PPP1R21: variants seen among roughly 807,000 people sequenced by gnomAD.
PPP1R21 encodes protein phosphatase 1 regulatory subunit 21, also known as KLRAQ motif containing 1.
PPP1R21 carries 85 observed loss-of-function variants against 112.8 expected under a neutral mutation model. The observed-to-expected ratio is 0.75, with a 90% confidence interval of 0.63 to 0.90. The LOEUF (loss-of-function observed/expected upper bound fraction) is 0.90, where lower values mean the gene tolerates loss of function less well. Ranked by LOEUF, PPP1R21 falls within the 40% of genes least tolerant of loss-of-function variation. The pLI, the probability that PPP1R21 is intolerant of heterozygous loss-of-function variation, is 0.00. For missense variants in PPP1R21, 1,199 were observed against 901.5 expected (o/e 1.33, Z -4.23); for synonymous variants, 381 against 322.3 (o/e 1.18, Z -1.95).
At chr2:48,465,018 T>G (rs370826994) in intron 8 of PPP1R21, 29 bp downstream of exon 8, 1 of 1,535,880 alleles carries the variant, frequency 6.5e-7, no homozygotes, top group Non-Finnish European at 8.8e-7. Context: ...GTTTTTATTT[T>G]CAGTTATATA....
chr2:48,470,584 A>G (rs970147737), intron 9 of PPP1R21, among the ~76,000 whole-genome samples: 1 of 152,110 alleles, frequency 6.6e-6, no homozygotes, highest in African/African-American at 2.4e-5. Flanking sequence ...ATTTGTTAAC[A>G]CCAAATATCG....
chr2:48,451,138 G>A (rs1159839927), intron 2 of PPP1R21, 62 bp downstream of exon 2: 1 of 1,347,192 alleles, frequency 7.4e-7, no homozygotes, highest in Non-Finnish European at 1.1e-6. Flanking sequence ...CTCAAAGCAG[G>A]TTCATTGGGT....
intron 17 of PPP1R21, chr2:48,502,150 C>T (rs1367211189): frequency 6.6e-6 from 1 of 152,106 alleles, no homozygotes; most frequent in Non-Finnish European, 1.5e-5. Flanking sequence ...TAGGGAGGGA[C>T]ACGAAAAATC....
Position 48,446,170 on chromosome 2 carries a change from G to A in PPP1R21, c.58-4838G>A, listed in dbSNP as rs564457523. Among the ~76,000 whole-genome samples the A allele has an allele frequency of 8.1e-4, 124 of 152,348 alleles. 1 individual carries two copies. Among genetic ancestry groups the A allele is most frequent in the African/African-American group, 2.9e-3 (121 of 41,584 alleles). Reference sequence around the variant, plus strand: ...TCTAACACAAGATTGTTGAGGATTAGCTGAGAAAATGCATATGAATGATTC... The same window carrying A: ...TCTAACACAAGATTGTTGAGGATTAACTGAGAAAATGCATATGAATGATTC... On this transcript the variant is annotated intron_variant, in intron 1 of 21. Transcript: ENST00000294952.
chr2:48,441,091 G>A, intron 1 of PPP1R21, 81 bp downstream of exon 1: 1 of 978,622 alleles, frequency 1.0e-6, no homozygotes, highest in Non-Finnish European at 1.6e-6. Context: ...CGGGACCTAG[G>A]GGTACTGCGG....
At chr2:48,446,318 C>T (rs1363330195) in intron 1 of PPP1R21, among the ~76,000 whole-genome samples, 2 of 152,136 alleles carry the variant, frequency 1.3e-5, no homozygotes, top group Non-Finnish European at 2.9e-5. Flanking sequence ...AGTGAGCTTA[C>T]CAGCACTCTG....
At chr2:48,494,578 A>C (rs1023917365) in intron 15 of PPP1R21, among the ~76,000 whole-genome samples, 7 of 149,414 alleles carry the variant, frequency 4.7e-5, no homozygotes, top group Non-Finnish European at 8.9e-5. Flanking sequence ...TCCCCCGGCT[A>C]ATTGTTTTTG....
In PPP1R21 at chr2:48,491,112, C is replaced by G. The variant is rs1403763071; in HGVS notation, c.1541C>G (p.Ala514Gly). Residue 514 changes from alanine to glycine, a missense_variant, in exon 15 of 22, where the codon GCT becomes GGT. Physicochemically the swap from Ala to Gly is moderately conservative, Grantham distance 60. Coordinates refer to ENST00000294952, the MANE Select transcript of PPP1R21 (RefSeq NM_001135629.3). Reference protein sequence around the residue: ...AASGFISPLSAECMLQYKKKA... With the variant: ...AASGFISPLSGECMLQYKKKA... ...AGTGGATTCATTAGTCCTCTTTCAG[C>G]TGAATGCATGCTACAGTATAAGAAA... is the stretch of plus-strand genomic sequence containing the variant. 4 of 1,614,134 alleles carry G rather than the reference C, an allele frequency of 2.5e-6. No individual in the cohort carries two copies. The highest frequency in any genetic ancestry group is 1.7e-5 in the Admixed American group (1 of 60,010).
At chr2:48,458,532 A>G (rs1667824451) in intron 4 of PPP1R21, among the ~76,000 whole-genome samples, 1 of 151,584 alleles carries the variant, frequency 6.6e-6, no homozygotes, top group African/African-American at 2.4e-5. Context: ...TATCATTTAA[A>G]TGGGAGCTTA....
chr2:48,489,487 C>T (rs1042398124), intron 14 of PPP1R21, among the ~76,000 whole-genome samples: 2 of 151,602 alleles, frequency 1.3e-5, no homozygotes, highest in South Asian at 2.1e-4. Flanking sequence ...GGAACACAGA[C>T]GCACACCACC....
Position 48,454,757 on chromosome 2 carries a change from G to C in PPP1R21, c.273+16G>C. On this transcript the variant is annotated intron_variant, in intron 3 of 21. Transcript: ENST00000294952. ...GAAAAACAAGGTAGGTTCAAATACA[G>C]GCAAGTTAGTGTGACCTTGTCGTTA... The C allele has an allele frequency of 6.2e-7, 1 of 1,607,458 alleles. No homozygotes were observed. Among genetic ancestry groups the C allele is most frequent in the Non-Finnish European group, 8.5e-7 (1 of 1,173,964 alleles).
chr2:48,444,016 A>G (rs1667145946), intron 1 of PPP1R21, among the ~76,000 whole-genome samples: 1 of 152,048 alleles, frequency 6.6e-6, no homozygotes, highest in Non-Finnish European at 1.5e-5. Flanking sequence ...GTCCCATCTC[A>G]TAATCTTTCC....
intron 7 of PPP1R21, 71 bp downstream of exon 7, chr2:48,461,303 A>G: frequency 2.1e-6 from 3 of 1,418,432 alleles, no homozygotes; most frequent in South Asian, 3.3e-5. Context: ...TAATTAAAGT[A>G]ATTTTTAATC....
At chr2:48,458,296 T>C (rs1667813219) in intron 4 of PPP1R21, 69 bp downstream of exon 4, 6 of 983,162 alleles carry the variant, frequency 6.1e-6, no homozygotes. Context: ...GAAAAGCTAA[T>C]GCACATAGAG....
intron 17 of PPP1R21, among the ~76,000 whole-genome samples, chr2:48,499,286 G>C (rs1669992259): frequency 6.6e-6 from 1 of 152,168 alleles, no homozygotes; most frequent in South Asian, 2.1e-4. Flanking sequence ...TTTTACATGA[G>C]ACTTCCTCAT....
chr2:48,446,089 A>G (rs1172204616), intron 1 of PPP1R21, among the ~76,000 whole-genome samples: 2 of 152,056 alleles, frequency 1.3e-5, no homozygotes, highest in Admixed American at 6.6e-5. Flanking sequence ...GGGTTGTAAA[A>G]TATGTATAAA....
At chr2:48,475,811 C>T (rs1043697708) in intron 12 of PPP1R21, among the ~76,000 whole-genome samples, 3 of 151,748 alleles carry the variant, frequency 2.0e-5, no homozygotes, top group Admixed American at 6.6e-5. Context: ...CGTGCCATTG[C>T]GCTCCAGCCT....
intron 14 of PPP1R21, among the ~76,000 whole-genome samples, chr2:48,488,095 T>G (rs1381210346): frequency 1.3e-5 from 2 of 152,186 alleles, no homozygotes; most frequent in Non-Finnish European, 2.9e-5. Context: ...ATGTTAGACA[T>G]TTCAGTGTCA....
intron 7 of PPP1R21, among the ~76,000 whole-genome samples, chr2:48,463,186 G>A (rs1327001184): frequency 1.3e-5 from 2 of 152,156 alleles, no homozygotes; most frequent in Admixed American, 6.5e-5. Context: ...CCTCATGTTG[G>A]GAGTGGTGGG....
Sources: allele counts gnomAD v4.1 joint callset (sites outside exome capture counted in the v4.1 genomes callset), GRCh38; gene constraint gnomAD v4.1.1; transcripts MANE v1.5; gene names NCBI Gene and HGNC (gene_info 2026-07-23, HGNC 2026-07-21).